Variants in NOX4 observed in about 807,000 individuals in gnomAD.
NOX4 encodes the protein NADPH oxidase 4, also known as kidney oxidase-1.
Under a neutral mutation model 87.6 loss-of-function variants are expected in NOX4, and 69 were observed. The ratio of observed to expected loss-of-function variants is 0.79; its 90% CI spans 0.65 to 0.96. The LOEUF is 0.96. NOX4 is among the 40% of genes least tolerant of loss of function. The pLI is 0.00. For missense variants in NOX4, 680 were observed against 681.5 expected (o/e 1.00, Z 0.02); for synonymous variants, 275 against 238.2 (o/e 1.15, Z -1.42).
intron 2 of NOX4, among the ~76,000 whole-genome samples, chr11:89,459,260 C>T (rs372486779): frequency 4.6e-5 from 7 of 151,736 alleles, no homozygotes; most frequent in Non-Finnish European, 1.0e-4. Flanking sequence ...TAAACAGGAA[C>T]GTAAAGAATG....
chr11:89,453,914 A>T (rs1945075636), intron 2 of NOX4, among the ~76,000 whole-genome samples: 4 of 152,180 alleles, frequency 2.6e-5, no homozygotes, highest in Admixed American at 2.6e-4. Flanking sequence ...TGACTTGATG[A>T]ATGAACAAAC....
chr11:89,503,894 C>G, the NOX4 span, among the ~76,000 whole-genome samples: 1 of 147,096 alleles, frequency 6.8e-6, no homozygotes, highest in Non-Finnish European at 1.5e-5. Flanking sequence ...TGAATGGCCA[C>G]CATAGACATG....
chr11:89,578,565 G>A, the NOX4 span, among the ~76,000 whole-genome samples: 1 of 152,080 alleles, frequency 6.6e-6, no homozygotes, highest in African/African-American at 2.4e-5. Flanking sequence ...ACTAATATAT[G>A]GAAAGATTAT....
the NOX4 span, among the ~76,000 whole-genome samples, chr11:89,582,409 G>A: frequency 3.9e-5 from 6 of 151,994 alleles, no homozygotes; most frequent in African/African-American, 1.4e-4. Flanking sequence ...CCAGAAGTGG[G>A]ATTGTTGGAT....
In NOX4 at chr11:89,389,906, T is replaced by C. The variant is rs1003075699; in HGVS notation, c.1074+10111A>G. ...CTTTTCTGTGTCACCGAGTTAACAA[T>C]ACGTGTCTCATAGGAATATAATAAG... On this transcript the variant is annotated intron_variant, in intron 11 of 17. Coordinates refer to ENST00000263317, the MANE Select transcript of NOX4 (RefSeq NM_016931.5). Among the ~76,000 whole-genome samples, 4 of 152,282 alleles carry C rather than the reference T, an allele frequency of 2.6e-5. No homozygotes were observed. In the South Asian group the frequency reaches 6.2e-4, roughly 24 times the overall value.
the NOX4 span, among the ~76,000 whole-genome samples, chr11:89,530,906 C>G: frequency 6.6e-6 from 1 of 152,116 alleles, no homozygotes; most frequent in African/African-American, 2.4e-5. Flanking sequence ...AACGTAGGTA[C>G]AGAGAAGAGT....
At chr11:89,473,889 A>G (rs987399165) in intron 2 of NOX4, among the ~76,000 whole-genome samples, 1 of 152,204 alleles carries the variant, frequency 6.6e-6, no homozygotes, top group Non-Finnish European at 1.5e-5. Context: ...GTATGCAAAG[A>G]AAGAGCCAAA....
intron 12 of NOX4, among the ~76,000 whole-genome samples, chr11:89,361,807 G>A (rs1938545721): frequency 1.3e-5 from 2 of 151,976 alleles, no homozygotes; most frequent in African/African-American, 4.8e-5. Flanking sequence ...TAAGCTAGGG[G>A]TCATGTAGTT....
chr11:89,429,688 T>C (rs139983152), intron 7 of NOX4, among the ~76,000 whole-genome samples: 2,200 of 152,138 alleles, frequency 0.014, 54 homozygotes, highest in African/African-American at 0.051. Flanking sequence ...AATAGACCAA[T>C]AACAGGCTCT....
At chr11:89,399,463 A>G (rs954513116) in intron 11 of NOX4, among the ~76,000 whole-genome samples, 1 of 138,874 alleles carries the variant, frequency 7.2e-6, no homozygotes. Flanking sequence ...ATATATATAT[A>G]TATATATATT....
At chr11:89,400,423 T>G (rs781357169) in intron 9 of NOX4, 44 bp from the exon 10 acceptor site, 18 of 1,449,286 alleles carry the variant, frequency 1.2e-5, no homozygotes, top group Non-Finnish European at 1.7e-5. Context: ...ATACTCATAT[T>G]GTAGAAATCT....
Position 89,491,220 on chromosome 11 carries a change from G to A in NOX4, c.27C>T (p.Leu9=), listed in dbSNP as rs769797957. 1.5e-5 allele frequency: 25 copies of A among 1,613,684 alleles called. No homozygotes were observed. Among genetic ancestry groups the A allele is most frequent in the Middle Eastern group, 1.7e-4 (1 of 6,056 alleles). Residue 9 remains leucine, a synonymous_variant, in exon 1 of 18, where the codon CTC becomes CTT. Coordinates refer to ENST00000263317, the MANE Select transcript of NOX4 (RefSeq NM_016931.5). The part of the protein sequence containing the change: MAVSWRSW[L]ANEGVKHLCL... The stretch of plus-strand genomic sequence containing the variant: ...AGAGGTGTTTAACCCCTTCGTTGGC[G>A]AGCCAGCTCCTCCAGGACACAGCCA...
the NOX4 span, among the ~76,000 whole-genome samples, chr11:89,532,932 C>T: frequency 6.6e-6 from 1 of 152,110 alleles, no homozygotes; most frequent in Non-Finnish European, 1.5e-5. Flanking sequence ...TCTTGCTTCC[C>T]CTTCAACTTC....
At chr11:89,388,417 TC>T (rs1202746501) in intron 11 of NOX4, among the ~76,000 whole-genome samples, 2 of 152,158 alleles carry the variant, frequency 1.3e-5, no homozygotes, top group East Asian at 3.9e-4. Context: ...CAATGACTGG[TC>T]AGTTGGGGGT....
intron 2 of NOX4, among the ~76,000 whole-genome samples, chr11:89,453,801 T>C (rs1259328412): frequency 3.9e-5 from 6 of 152,306 alleles, no homozygotes; most frequent in Admixed American, 1.3e-4. Context: ...ATATTCTGGC[T>C]CCAGCATTTA....
chr11:89,443,789 A>G (rs745575025), intron 5 of NOX4: 12 of 174,172 alleles, frequency 6.9e-5, no homozygotes, highest in Non-Finnish European at 1.4e-4. Flanking sequence ...CAGTATGTGA[A>G]TTATAAAGTA....
At chr11:89,399,986 A>G (rs1350666744) in intron 11 of NOX4, 31 bp downstream of exon 11, 36 of 1,555,428 alleles carry the variant, frequency 2.3e-5, no homozygotes, top group Non-Finnish European at 3.2e-5. Flanking sequence ...GCACCCTACA[A>G]ATGTGAAAAA....
chr11:89,433,047 A>C (rs758223508), intron 6 of NOX4, among the ~76,000 whole-genome samples, 191 bp from the exon 7 acceptor site: 1 of 152,166 alleles, frequency 6.6e-6, no homozygotes, highest in Non-Finnish European at 1.5e-5. Context: ...TTTGATTGAC[A>C]GATAATAATT....
At chr11:89,494,785 A>G (rs546194592), upstream of NOX4, among the ~76,000 whole-genome samples, 5 of 152,340 alleles carry the variant, frequency 3.3e-5, no homozygotes, top group East Asian at 9.7e-4. Context: ...AATTTAAGAC[A>G]AGTGGGCCCT....
Sources: allele counts gnomAD v4.1 joint callset (sites outside exome capture counted in the v4.1 genomes callset), GRCh38; gene constraint gnomAD v4.1.1; transcripts MANE v1.5; gene names NCBI Gene and HGNC (gene_info 2026-07-23, HGNC 2026-07-21).